Variants in CCDC38 observed in about 807,000 individuals in gnomAD.
CCDC38 encodes the protein coiled-coil domain containing 38, also known as coiled-coil domain-containing protein 38.
CCDC38 carries 69 observed loss-of-function variants against 72.8 expected under a neutral mutation model. That is an observed-to-expected ratio of 0.95 (90% confidence interval 0.78 to 1.16). CCDC38 has a LOEUF of 1.16. CCDC38 is among the 50% of genes most tolerant of loss of function. The pLI is 0.00. For synonymous variants in CCDC38, 201 were observed against 213.2 expected, an observed-to-expected ratio of 0.94 and a Z score of 0.50; for missense variants, 626 against 638.9, an observed-to-expected ratio of 0.98 and a Z score of 0.22.
chr12:95,882,804 CTCTA>C (rs1165441384), intron 10 of CCDC38, among the ~76,000 whole-genome samples: 1 of 152,230 alleles, frequency 6.6e-6, no homozygotes, highest in Non-Finnish European at 1.5e-5. Context: ...ACTCTCACAT[CTCTA>C]TCTCTTTCTT....
chr12:95,876,538 G>A (rs2079637416), intron 13 of CCDC38, among the ~76,000 whole-genome samples: 1 of 152,126 alleles, frequency 6.6e-6, no homozygotes, highest in African/African-American at 2.4e-5. Flanking sequence ...ATAGCTAACA[G>A]GTAAATTTGG....
intron 6 of CCDC38, 37 bp from the exon 7 acceptor site, chr12:95,898,502 G>GGAAC: frequency 6.2e-7 from 1 of 1,608,346 alleles, no homozygotes; most frequent in Non-Finnish European, 8.5e-7. Flanking sequence ...TTGCTTCTTA[G>GGAAC]AAACAAACAA....
At chr12:95,904,051 C>A (rs560085064) in intron 5 of CCDC38, among the ~76,000 whole-genome samples, 26 of 141,232 alleles carry the variant, frequency 1.8e-4, no homozygotes, top group Middle Eastern at 3.6e-3. Flanking sequence ...AGTTCAATTT[C>A]TTTAAGAGAC....
intron 5 of CCDC38, among the ~76,000 whole-genome samples, chr12:95,901,365 T>G (rs1427691505): frequency 6.6e-6 from 1 of 152,098 alleles, no homozygotes; most frequent in Non-Finnish European, 1.5e-5. Context: ...AAACATGAAG[T>G]CTGAAATGGT....
At chr12:95,930,171 C>T (rs1237201647) in intron 2 of CCDC38, among the ~76,000 whole-genome samples, 1 of 152,146 alleles carries the variant, frequency 6.6e-6, no homozygotes, top group Non-Finnish European at 1.5e-5. Context: ...ACCAAATTTC[C>T]TATATTATAA....
chr12:95,933,971 C>A (rs538181999), intron 2 of CCDC38: 1 of 152,096 alleles, frequency 6.6e-6, no homozygotes, highest in South Asian at 2.1e-4. Flanking sequence ...CCCGAGAATT[C>A]AAGACCAGCC....
intron 11 of CCDC38, among the ~76,000 whole-genome samples, chr12:95,880,364 G>C (rs2079686329): frequency 6.6e-6 from 1 of 152,112 alleles, no homozygotes. Flanking sequence ...GCTTCAAAAG[G>C]AAAGAAATTG....
intron 4 of CCDC38, among the ~76,000 whole-genome samples, chr12:95,915,704 T>C (rs12307759): frequency 0.05 from 7,661 of 152,276 alleles, 631 homozygotes; most frequent in African/African-American, 0.18. Flanking sequence ...GTGACTTCTA[T>C]ATTTTAAGTT....
chr12:95,890,871 C>G lies in CCDC38; in HGVS notation c.832G>C (p.Val278Leu). 6.2e-7 allele frequency: 1 copy of G among 1,607,614 alleles called. No individual in the cohort carries two copies. Among genetic ancestry groups the G allele is most frequent in the Non-Finnish European group, 8.5e-7 (1 of 1,175,526 alleles). Residue 278 changes from valine to leucine, a missense_variant, in exon 9 of 16, where the codon GTC (valine) becomes CTC (leucine). Coordinates refer to ENST00000344280, the MANE Select transcript of CCDC38 (RefSeq NM_182496.3). ...CCCTGAGAAGCATCTTCTGAAAGGA[C>G]AGCTGTCCTCCCGGACTCCTCAAGG... ...GILEESGRTA[V>L]LSEDASQGRD...
In CCDC38 at chr12:95,867,176, A is replaced by C. The variant is rs1053568056; in HGVS notation, c.1592T>G (p.Leu531Arg). Reference sequence around the variant, plus strand: ...AGATGGAGGTTTTGAATGAAAGACAAGTCGTCTTCCCAACTGAAACAAAAG... The same window carrying C: ...AGATGGAGGTTTTGAATGAAAGACACGTCGTCTTCCCAACTGAAACAAAAG... Reference protein sequence around the residue: ...AQPKKKLGRRLVFHSKPPSGN... With the variant: ...AQPKKKLGRRRVFHSKPPSGN... The change falls in exon 16 of 16, where the codon CTT becomes CGT. Residue 531 changes from leucine (L) to arginine (R), a missense_variant. Leu to Arg is a moderately radical substitution (Grantham distance 102, BLOSUM62 -2). Coordinates refer to ENST00000344280, the MANE Select transcript of CCDC38 (RefSeq NM_182496.3). 1.3e-6 allele frequency: 2 copies of C among 1,585,250 alleles called. No individual in the cohort carries two copies. The highest frequency in any genetic ancestry group is 2.7e-5 in the African/African-American group (2 of 74,300).
At chr12:95,871,351 A>G (rs904784773) in intron 14 of CCDC38, among the ~76,000 whole-genome samples, 2 of 152,228 alleles carry the variant, frequency 1.3e-5, no homozygotes, top group Non-Finnish European at 2.9e-5. Flanking sequence ...TAGTTGAGAA[A>G]TGATTTAAAG....
chr12:95,870,419 T>TAGAAG (rs2079568915), intron 14 of CCDC38, among the ~76,000 whole-genome samples: 1 of 152,222 alleles, frequency 6.6e-6, no homozygotes, highest in Admixed American at 6.5e-5. Flanking sequence ...TATTTAATGA[T>TAGAAG]ATTCTAAGTG....
At chr12:95,919,854 G>C (rs1332836331) in intron 2 of CCDC38, among the ~76,000 whole-genome samples, 2 of 152,136 alleles carry the variant, frequency 1.3e-5, no homozygotes, top group East Asian at 3.8e-4. Context: ...GAGAGCATGT[G>C]GAGAAATTGG....
intron 4 of CCDC38, among the ~76,000 whole-genome samples, chr12:95,914,235 A>G (rs2080122648): frequency 6.6e-6 from 1 of 152,210 alleles, no homozygotes; most frequent in Non-Finnish European, 1.5e-5. Context: ...GGGGCACGAG[A>G]ATTGCTTAAA....
chr12:95,939,950 C>A (rs74562853), intron 1 of CCDC38, among the ~76,000 whole-genome samples: 2 of 152,172 alleles, frequency 1.3e-5, no homozygotes, highest in African/African-American at 4.8e-5. Context: ...TCTCTTGGGT[C>A]TAGAGAATTA....
intron 10 of CCDC38, 68 bp from the exon 11 acceptor site, chr12:95,881,622 C>T: frequency 7.7e-7 from 1 of 1,304,572 alleles, no homozygotes; most frequent in Non-Finnish European, 1.1e-6. Flanking sequence ...GGTTTGCATT[C>T]CTCTCTAAAT....
chr12:95,876,192 A>G (rs988278445), intron 13 of CCDC38, among the ~76,000 whole-genome samples: 1 of 152,238 alleles, frequency 6.6e-6, no homozygotes, highest in Non-Finnish European at 1.5e-5. Flanking sequence ...AATAAGCCAG[A>G]CACAAAAGGA....
intron 1 of CCDC38, 122 bp from the exon 2 acceptor site, chr12:95,936,645 C>A: frequency 1.5e-6 from 1 of 667,818 alleles, no homozygotes. Context: ...TGAGCACACA[C>A]ATACTCTTTG....
chr12:95,893,873 CAT>C (rs948537071), intron 8 of CCDC38, among the ~76,000 whole-genome samples: 18 of 151,334 alleles, frequency 1.2e-4, no homozygotes, highest in South Asian at 2.1e-4. Flanking sequence ...AAGTAAATAA[CAT>C]ATATATATAG....
Sources: gnomAD v4.1 joint callset for allele counts (sites outside exome capture counted in the v4.1 genomes callset) on GRCh38, gnomAD v4.1.1 for gene constraint, MANE v1.5 for transcripts, NCBI Gene and HGNC (gene_info 2026-07-23, HGNC 2026-07-21) for gene names.